GPATCH2: variants seen among roughly 807,000 people sequenced by gnomAD.
The protein encoded by GPATCH2 is G patch domain-containing protein 2.
GPATCH2 carries 51 observed loss-of-function variants against 58.0 expected under a neutral mutation model. The observed-to-expected ratio is 0.88, with a 90% CI of 0.70 to 1.11. GPATCH2 has a LOEUF of 1.11. Among genes scored for constraint, GPATCH2 ranks in the 50% most tolerant of loss-of-function variants. GPATCH2 has a pLI of 0.00. For missense variants in GPATCH2, 625 were observed against 652.2 expected (o/e 0.96, Z 0.45); for synonymous variants, 222 against 218.5 (o/e 1.02, Z -0.14).
chr1:217,469,619 T>C lies in GPATCH2; in HGVS notation c.1278-20282A>G, dbSNP rs571412943. Among the ~76,000 whole-genome samples the C allele has an allele frequency of 1.9e-3, 282 of 152,198 alleles. 2 individuals carry two copies. Among genetic ancestry groups the C allele is most frequent in the Admixed American group, 3.5e-3 (54 of 15,288 alleles). ...GGAAATGAAAATTATCTAAAATGAGTGATAGCCAAATATTTGATATTTGAA... is the reference window on the plus strand; with the variant it reads ...GGAAATGAAAATTATCTAAAATGAGCGATAGCCAAATATTTGATATTTGAA... On this transcript the variant is annotated intron_variant, in intron 8 of 9. Transcript: ENST00000366935.
At chr1:217,460,730 A>C (rs1334947479) in intron 8 of GPATCH2, among the ~76,000 whole-genome samples, 2 of 152,242 alleles carry the variant, frequency 1.3e-5, no homozygotes, top group Non-Finnish European at 2.9e-5. Flanking sequence ...CCCCTTAAGA[A>C]ACTTATTTAA....
At chr1:217,578,191 AGTTTT>A (rs568207504) in intron 5 of GPATCH2, among the ~76,000 whole-genome samples, 7 of 151,840 alleles carry the variant, frequency 4.6e-5, no homozygotes, top group South Asian at 2.1e-4. Context: ...ACAAAAAGGT[AGTTTT>A]GTTTTGTTTT....
intron 2 of GPATCH2, among the ~76,000 whole-genome samples, chr1:217,616,767 T>C (rs1466622242): frequency 1.3e-5 from 2 of 152,182 alleles, no homozygotes; most frequent in Non-Finnish European, 2.9e-5. Flanking sequence ...AACACGGTAT[T>C]TGGATGAGAA....
At chr1:217,542,638 T>C (rs968474495) in intron 5 of GPATCH2, among the ~76,000 whole-genome samples, 2 of 152,216 alleles carry the variant, frequency 1.3e-5, no homozygotes, top group South Asian at 2.1e-4. Context: ...TTTAAGCCTG[T>C]GGATTCAACA....
intron 5 of GPATCH2, among the ~76,000 whole-genome samples, chr1:217,571,320 TA>T (rs749307987): frequency 5.3e-5 from 8 of 152,156 alleles, no homozygotes; most frequent in Non-Finnish European, 1.0e-4. Context: ...GTTTTAGTTG[TA>T]AACCCAAACA....
At chr1:217,549,489 T>C (rs1383744083) in intron 5 of GPATCH2, among the ~76,000 whole-genome samples, 1 of 152,170 alleles carries the variant, frequency 6.6e-6, no homozygotes, top group African/African-American at 2.4e-5. Context: ...TGAGAAAAGT[T>C]TATTTGATGT....
At position 217,581,542 on chromosome 1, in the gene GPATCH2, A is replaced by C. The variant is rs77003440; in HGVS notation, c.1098+28779T>G. Among the ~76,000 whole-genome samples the C allele has an allele frequency of 6.5e-3, 991 of 152,240 alleles. 36 individuals are homozygous for C. Among genetic ancestry groups the C allele is most frequent in the Admixed American group, 0.057 (877 of 15,278 alleles). Reference sequence around the variant, plus strand: ...GAGTTGCTGAGTCCCACCTCCCCCAACTTCTCACTGGGATGTACGTAAGAG... The same window carrying C: ...GAGTTGCTGAGTCCCACCTCCCCCACCTTCTCACTGGGATGTACGTAAGAG... On this transcript the variant is annotated intron_variant, in intron 5 of 9. Coordinates refer to ENST00000366935, the MANE Select transcript of GPATCH2 (RefSeq NM_018040.5).
chr1:217,505,155 T>C (rs1211545804), intron 6 of GPATCH2, among the ~76,000 whole-genome samples: 1 of 152,198 alleles, frequency 6.6e-6, no homozygotes, highest in African/African-American at 2.4e-5. Context: ...TCACAATTCA[T>C]AAGGGTTGAA....
intron 5 of GPATCH2, among the ~76,000 whole-genome samples, chr1:217,603,374 A>G (rs1190796929): frequency 6.6e-6 from 1 of 152,202 alleles, no homozygotes; most frequent in Non-Finnish European, 1.5e-5. Flanking sequence ...TGGAGAATAT[A>G]ATACACATTA....
chr1:217,477,926 A>G (rs1208410233), intron 8 of GPATCH2, among the ~76,000 whole-genome samples: 4 of 152,088 alleles, frequency 2.6e-5, no homozygotes, highest in African/African-American at 7.2e-5. Flanking sequence ...GTGTCACTCT[A>G]TTGCTAGCTT....
intron 5 of GPATCH2, among the ~76,000 whole-genome samples, chr1:217,585,463 A>T (rs181090394): frequency 4.6e-5 from 7 of 152,210 alleles, no homozygotes; most frequent in African/African-American, 9.6e-5. Flanking sequence ...TCTACTAAAA[A>T]TACAAAAATT....
At chr1:217,531,471 A>G (rs1479143760) in intron 5 of GPATCH2, among the ~76,000 whole-genome samples, 1 of 152,238 alleles carries the variant, frequency 6.6e-6, no homozygotes, top group East Asian at 1.9e-4. Context: ...AAATCTGGAT[A>G]TGGTGTTTTT....
chr1:217,608,761 AT>A (rs1668481899), intron 5 of GPATCH2: 10 of 981,414 alleles, frequency 1.0e-5, no homozygotes, highest in Non-Finnish European at 1.2e-5. Context: ...GAAAAAAAAC[AT>A]GAATTTTCAC....
At chr1:217,605,889 A>G (rs769404083) in intron 5 of GPATCH2, among the ~76,000 whole-genome samples, 6 of 152,136 alleles carry the variant, frequency 3.9e-5, no homozygotes, top group Non-Finnish European at 8.8e-5. Flanking sequence ...TGCACAAACT[A>G]TGGAAATATA....
chr1:217,543,193 A>G (rs1571890324), intron 5 of GPATCH2, among the ~76,000 whole-genome samples: 1 of 151,314 alleles, frequency 6.6e-6, no homozygotes, highest in Non-Finnish European at 1.5e-5. Flanking sequence ...AGTAGTGGCT[A>G]TATGTGTTGG....
chr1:217,429,819 C>A lies in GPATCH2; in HGVS notation c.*1326G>T, dbSNP rs552944587. On this transcript the variant is annotated 3_prime_UTR_variant, in exon 10 of 10. Coordinates refer to ENST00000366935, the MANE Select transcript of GPATCH2 (RefSeq NM_018040.5). ...CTCCAGCCTGGGCGACAGAGGCAGA[C>A]TCTGTCAAAAAAAAAAAAAAAAAAA... The A allele has an allele frequency of 1.8e-5, 2 of 113,626 alleles. No individual in the cohort carries two copies. The highest frequency in any genetic ancestry group is 7.2e-5 in the African/African-American group (2 of 27,804). 7.0% of individuals were successfully genotyped at this position (113,626 alleles called of 1,614,324 possible).
chr1:217,597,031 A>G (rs1392934520), intron 5 of GPATCH2, among the ~76,000 whole-genome samples: 10 of 152,092 alleles, frequency 6.6e-5, no homozygotes, highest in Non-Finnish European at 1.0e-4. Flanking sequence ...ATACCAATAG[A>G]CAAAATATGT....
chr1:217,628,429 T>C (rs752647717), intron 1 of GPATCH2, among the ~76,000 whole-genome samples: 3 of 152,092 alleles, frequency 2.0e-5, no homozygotes, highest in Admixed American at 1.3e-4. Flanking sequence ...AACAAAATCA[T>C]ACTGTTTATT....
At chr1:217,590,942 T>C (rs1295412531) in intron 5 of GPATCH2, among the ~76,000 whole-genome samples, 1 of 152,074 alleles carries the variant, frequency 6.6e-6, no homozygotes, top group Non-Finnish European at 1.5e-5. Flanking sequence ...CTAGAGAGAA[T>C]TCAGGTATGA....
Sources: gnomAD v4.1 joint callset for allele counts (sites outside exome capture counted in the v4.1 genomes callset) on GRCh38, gnomAD v4.1.1 for gene constraint, MANE v1.5 for transcripts, NCBI Gene and HGNC (gene_info 2026-07-23, HGNC 2026-07-21) for gene names.